Variants in GNPTAB observed in about 807,000 individuals in gnomAD.
The protein encoded by GNPTAB is N-acetylglucosamine-1-phosphate transferase subunits alpha and beta.
GNPTAB carries 92 observed loss-of-function variants against 136.6 expected under a neutral mutation model. The observed-to-expected ratio is 0.67, with a 90% confidence interval of 0.57 to 0.80. The LOEUF is 0.80. GNPTAB is among the 30% of genes least tolerant of loss of function. The pLI is 0.00. For missense variants in GNPTAB, 1,343 were observed against 1,501.8 expected, an observed-to-expected ratio of 0.89 and a Z score of 1.75; for synonymous variants, 512 against 535.1, an observed-to-expected ratio of 0.96 and a Z score of 0.60.
At chr12:101,826,950 GTTTTTTTTTTTT>G (rs902178707) in intron 1 of GNPTAB, among the ~76,000 whole-genome samples, 17 of 62,356 alleles carry the variant, frequency 2.7e-4, no homozygotes, top group Middle Eastern at 0.02. Context: ...TGTGGGAGTT[GTTTTTTTTTTTT>G]TTTTTTTTTT....
intron 6 of GNPTAB, 38 bp downstream of exon 6, chr12:101,780,519 T>C: frequency 7.3e-7 from 1 of 1,378,562 alleles, no homozygotes. Flanking sequence ...TTTATTCTAG[T>C]CTATTGTAAA....
intron 5 of GNPTAB, among the ~76,000 whole-genome samples, chr12:101,783,818 G>A (rs1029567672): frequency 2.0e-5 from 3 of 151,472 alleles, no homozygotes; most frequent in Non-Finnish European, 2.9e-5. Context: ...AGGCTCAAGC[G>A]ATCCTACCAT....
intron 1 of GNPTAB, 22 bp downstream of exon 1, chr12:101,830,537 A>G: frequency 6.9e-7 from 1 of 1,457,898 alleles, no homozygotes; most frequent in Non-Finnish European, 9.6e-7. Flanking sequence ...CGCCCGGTCC[A>G]GGCTGCGGCG....
At chr12:101,817,094 A>G (rs1466534860) in intron 1 of GNPTAB, among the ~76,000 whole-genome samples, 1 of 152,086 alleles carries the variant, frequency 6.6e-6, no homozygotes, top group Non-Finnish European at 1.5e-5. Context: ...AGGTACAAAA[A>G]TAGTTAGATA....
In GNPTAB at chr12:101,745,884, A is replaced by T. The variant is rs1952726258; in HGVS notation, c.*1280T>A. 2 of 152,254 alleles carry T rather than the reference A, an allele frequency of 1.3e-5. No individual in the cohort carries two copies. Among genetic ancestry groups the T allele is most frequent in the Non-Finnish European group, 1.5e-5 (1 of 68,118 alleles). The allele number at this position is 152,254 out of a possible 1,614,324, so 9.4% of individuals were successfully genotyped here. On this transcript the variant is annotated 3_prime_UTR_variant, in exon 21 of 21. Coordinates refer to ENST00000299314, the MANE Select transcript of GNPTAB (RefSeq NM_024312.5). ...CCCCCGTCTCTACTAAAAATACAAA[A>T]ATTAGCAGGGTGTGGTGGCATGCAC...
At chr12:101,804,083 T>A (rs568019992) in intron 1 of GNPTAB, among the ~76,000 whole-genome samples, 38 of 151,298 alleles carry the variant, frequency 2.5e-4, no homozygotes, top group South Asian at 1.0e-3. Flanking sequence ...AAAAAAAAAA[T>A]TTTTAAAGTT....
At chr12:101,801,933 A>G (rs1328002558) in intron 1 of GNPTAB, among the ~76,000 whole-genome samples, 1 of 152,022 alleles carries the variant, frequency 6.6e-6, no homozygotes, top group Admixed American at 6.6e-5. Flanking sequence ...GCACACCTGG[A>G]GTCCAGCTAC....
Position 101,780,154 on chromosome 12 carries a change from GT to G in GNPTAB, c.768del (p.Lys256AsnfsTer11). On this transcript the variant is annotated frameshift_variant, in exon 7 of 21. Coordinates refer to ENST00000299314, the MANE Select transcript of GNPTAB (RefSeq NM_024312.5). LOFTEE classifies it high-confidence loss of function. ...TGCTCTATTTTCTATGTTCTTACCAGTTTGACTTTAGAGGAAAGATTTTCTG... is the reference window on the plus strand; with the variant it reads ...TGCTCTATTTTCTATGTTCTTACCAGTTGACTTTAGAGGAAAGATTTTCTG... ...KLPENLSSKV[K>X]LLQLYSEASV... 2 of 1,612,836 alleles carry G rather than the reference GT, an allele frequency of 1.2e-6. No individual in the cohort carries two copies. The highest frequency in any genetic ancestry group is 2.2e-5 in the South Asian group (2 of 91,056).
At chr12:101,768,250 A>G in intron 10 of GNPTAB, 90 bp from the exon 11 acceptor site, 1 of 1,430,150 alleles carries the variant, frequency 7.0e-7, no homozygotes, top group East Asian at 2.4e-5. Context: ...AAAAGAAATT[A>G]AGTCTCTAGA....
At chr12:101,783,508 A>G (rs1029199214) in intron 5 of GNPTAB, among the ~76,000 whole-genome samples, 9 of 152,154 alleles carry the variant, frequency 5.9e-5, no homozygotes, top group African/African-American at 2.2e-4. Flanking sequence ...TTTAGTCTAG[A>G]GGTAAAATGA....
At chr12:101,771,227 C>T in intron 7 of GNPTAB, 70 bp from the exon 8 acceptor site, 2 of 1,267,646 alleles carry the variant, frequency 1.6e-6, no homozygotes, top group Non-Finnish European at 2.3e-6. Flanking sequence ...TAAATTCCCA[C>T]TCTGCTCTTT....
chr12:101,778,075 G>T (rs567808334), intron 7 of GNPTAB, among the ~76,000 whole-genome samples: 57 of 152,240 alleles, frequency 3.7e-4, no homozygotes, highest in Middle Eastern at 3.4e-3. Context: ...AATTCAAATT[G>T]CTACCCCACT....
intron 1 of GNPTAB, among the ~76,000 whole-genome samples, chr12:101,807,266 C>G (rs1869975304): frequency 6.6e-6 from 1 of 152,120 alleles, no homozygotes; most frequent in African/African-American, 2.4e-5. Flanking sequence ...ACTAGGAATA[C>G]AGGAGAACTT....
At chr12:101,817,430 G>A (rs1413323904) in intron 1 of GNPTAB, among the ~76,000 whole-genome samples, 1 of 151,850 alleles carries the variant, frequency 6.6e-6, no homozygotes, top group African/African-American at 2.4e-5. Flanking sequence ...ACCACACCTA[G>A]CTAAGTTTTG....
chr12:101,747,566 A>G (rs1952752303), intron 20 of GNPTAB, among the ~76,000 whole-genome samples: 1 of 83,532 alleles, frequency 1.2e-5, no homozygotes, highest in Admixed American at 1.1e-4. Flanking sequence ...TATTTTCAAG[A>G]TGTCCATTTG....
chr12:101,820,102 G>C (rs74908320), intron 1 of GNPTAB, among the ~76,000 whole-genome samples: 1,530 of 152,264 alleles, frequency 0.01, 29 homozygotes, highest in African/African-American at 0.035. Context: ...TTAGCTGAAC[G>C]CCTAGGACCA....
Position 101,780,157 on chromosome 12 carries a change from T to G in GNPTAB, c.766A>C (p.Lys256Gln), listed in dbSNP as rs1288191896. ...KLPENLSSKV[K>Q]LLQLYSEASV... ...TCTATTTTCTATGTTCTTACCAGTT[T>G]GACTTTAGAGGAAAGATTTTCTGGC... The change falls in exon 7 of 21, where the codon AAA becomes CAA. Residue 256 changes from lysine to glutamine, a missense_variant. Lys to Gln is a moderately conservative substitution (Grantham distance 53). Transcript: ENST00000299314. 1 of 1,613,324 alleles carries G rather than the reference T, an allele frequency of 6.2e-7. No homozygotes were observed. The highest frequency in any genetic ancestry group is 2.2e-5 in the East Asian group (1 of 44,856).
intron 1 of GNPTAB, among the ~76,000 whole-genome samples, chr12:101,826,085 AG>A (rs1871072407): frequency 6.6e-6 from 1 of 152,268 alleles, no homozygotes; most frequent in East Asian, 1.9e-4. Context: ...AAATAAGGCC[AG>A]TATAAGACAC....
At chr12:101,782,342 T>C (rs780387238) in intron 5 of GNPTAB, among the ~76,000 whole-genome samples, 1 of 152,038 alleles carries the variant, frequency 6.6e-6, no homozygotes, top group Non-Finnish European at 1.5e-5. Flanking sequence ...CAACAGTGAG[T>C]TCAGTATGAG....
Sources: gnomAD v4.1 joint callset for allele counts (sites outside exome capture counted in the v4.1 genomes callset) on GRCh38, gnomAD v4.1.1 for gene constraint, MANE v1.5 for transcripts, NCBI Gene and HGNC (gene_info 2026-07-23, HGNC 2026-07-21) for gene names.